Variants in LARGE1 observed in about 807,000 individuals in gnomAD.
LARGE1 encodes the protein LARGE xylosyl- and glucuronyltransferase 1.
In LARGE1, 43 loss-of-function variants were observed where a neutral mutation model predicts 87.6. The ratio of observed to expected loss-of-function variants is 0.49; its 90% CI spans 0.38 to 0.63. The LOEUF (loss-of-function observed/expected upper bound fraction) is 0.63, where lower values mean the gene tolerates loss of function less well. LARGE1 is among the 30% of genes least tolerant of loss of function. The pLI is 0.00. For synonymous variants in LARGE1, 434 were observed against 394.6 expected (o/e 1.10, Z -1.18); for missense variants, 802 against 1,000.2 (o/e 0.80, Z 2.67).
At chr22:33,846,021 G>A (rs2063419913) in intron 1 of LARGE1, among the ~76,000 whole-genome samples, 1 of 152,202 alleles carries the variant, frequency 6.6e-6, no homozygotes, top group Non-Finnish European at 1.5e-5. Flanking sequence ...GAACAGAGCT[G>A]TTTTTCTACA....
intron 5 of LARGE1, among the ~76,000 whole-genome samples, chr22:33,596,305 T>C (rs1306713781): frequency 6.6e-6 from 1 of 152,190 alleles, no homozygotes; most frequent in Non-Finnish European, 1.5e-5. Flanking sequence ...CAAACATCAG[T>C]CTTATAAATA....
intron 1 of LARGE1, among the ~76,000 whole-genome samples, chr22:33,849,321 C>T (rs976121157): frequency 1.3e-5 from 2 of 152,148 alleles, no homozygotes; most frequent in Non-Finnish European, 2.9e-5. Context: ...GTTTTTTCAT[C>T]AATCAATCCC....
At chr22:33,674,831 G>A (rs1415633493) in intron 2 of LARGE1, among the ~76,000 whole-genome samples, 1 of 152,130 alleles carries the variant, frequency 6.6e-6, no homozygotes, top group Non-Finnish European at 1.5e-5. Flanking sequence ...CAATTGCAGT[G>A]ATATCACAAT....
intron 4 of LARGE1, among the ~76,000 whole-genome samples, chr22:33,615,239 A>T (rs144649107): frequency 1.3e-5 from 2 of 152,132 alleles, no homozygotes; most frequent in African/African-American, 4.8e-5. Flanking sequence ...ATACTCAGTG[A>T]TTGTTTAAGG....
At chr22:33,880,279 G>A (rs982362976) in intron 1 of LARGE1, among the ~76,000 whole-genome samples, 1 of 152,176 alleles carries the variant, frequency 6.6e-6, no homozygotes, top group African/African-American at 2.4e-5. Context: ...AGTCAGATCA[G>A]ACGAAAGAAA....
chr22:33,858,005 C>CT (rs1203722013), intron 1 of LARGE1, among the ~76,000 whole-genome samples: 1 of 152,166 alleles, frequency 6.6e-6, no homozygotes, highest in African/African-American at 2.4e-5. Context: ...CTCGTGTTCT[C>CT]TGACCTGGGG....
At position 33,535,549 on chromosome 22, in the gene LARGE1, G is replaced by GA. The variant is rs376380069; in HGVS notation, c.787+29298dup. Among the ~76,000 whole-genome samples, 180 of 124,546 alleles carry GA rather than the reference G, an allele frequency of 1.4e-3. 1 individual carries two copies. The highest frequency in any genetic ancestry group is 4.9e-3 in the South Asian group (19 of 3,896). 81.7% of individuals were successfully genotyped at this position (124,546 alleles called of 152,430 possible). A position where few individuals can be genotyped will look rare whatever the true frequency, so the allele number is the denominator to read the frequency against. ...TGAGAGTAAAACTCCAAAAACAAAA[G>GA]AAAAAAAAAAAGAAAAAAAATGCAG... On this transcript the variant is annotated intron_variant, in intron 6 of 14. Coordinates refer to ENST00000397394, the MANE Select transcript of LARGE1 (RefSeq NM_133642.5).
intron 6 of LARGE1, among the ~76,000 whole-genome samples, chr22:33,454,939 C>T (rs1265604506): frequency 2.6e-5 from 4 of 152,208 alleles, no homozygotes; most frequent in African/African-American, 4.8e-5. Flanking sequence ...ACCTCCAACA[C>T]TGGGGATTAC....
intron 10 of LARGE1, among the ~76,000 whole-genome samples, chr22:33,321,822 A>G (rs1936743309): frequency 6.6e-6 from 1 of 152,076 alleles, no homozygotes; most frequent in Non-Finnish European, 1.5e-5. Context: ...TTACTGACTG[A>G]CTGGTTGATT....
chr22:33,085,764 C>T, the LARGE1 span, among the ~76,000 whole-genome samples: 1 of 152,150 alleles, frequency 6.6e-6, no homozygotes, highest in African/African-American at 2.4e-5. Flanking sequence ...TGCTGAGTCA[C>T]AAATAAACCT....
chr22:33,791,346 T>C (rs1020845576), intron 1 of LARGE1, among the ~76,000 whole-genome samples: 1 of 152,204 alleles, frequency 6.6e-6, no homozygotes, highest in African/African-American at 2.4e-5. Flanking sequence ...TGGGGCCGTA[T>C]ACCCTAGGAG....
At chr22:33,577,954 C>T (rs1000161519) in intron 5 of LARGE1, among the ~76,000 whole-genome samples, 2 of 152,248 alleles carry the variant, frequency 1.3e-5, no homozygotes, top group Non-Finnish European at 2.9e-5. Context: ...TGAATCTCTT[C>T]ACTGGTCACC....
chr22:33,260,118 C>G (rs918027772), intron 11 of LARGE1, among the ~76,000 whole-genome samples: 7 of 152,126 alleles, frequency 4.6e-5, no homozygotes, highest in Non-Finnish European at 1.0e-4. Context: ...CAATCCTAAG[C>G]CTGTTTATCC....
intron 7 of LARGE1, among the ~76,000 whole-genome samples, chr22:33,419,066 G>A (rs1490332986): frequency 2.6e-5 from 4 of 152,140 alleles, no homozygotes; most frequent in East Asian, 1.9e-4. Flanking sequence ...TCGCAGTTCC[G>A]CATGGCTGGG....
intron 1 of LARGE1, among the ~76,000 whole-genome samples, chr22:33,874,916 G>A (rs907233758): frequency 6.6e-6 from 1 of 152,176 alleles, no homozygotes; most frequent in Non-Finnish European, 1.5e-5. Context: ...CTAAAAGGTA[G>A]GGACTGTTGT....
intron 1 of LARGE1, among the ~76,000 whole-genome samples, chr22:33,900,627 AG>A (rs1361665080): frequency 2.0e-5 from 3 of 152,228 alleles, no homozygotes; most frequent in Non-Finnish European, 4.4e-5. Flanking sequence ...AAAAGACATG[AG>A]GAAGTCCTAA....
chr22:33,426,603 C>T lies in LARGE1; in HGVS notation c.892+5558G>A, dbSNP rs2066888121. On this transcript the variant is annotated intron_variant, in intron 7 of 14. Coordinates refer to ENST00000397394, the MANE Select transcript of LARGE1 (RefSeq NM_133642.5). Reference sequence around the variant, plus strand: ...TTTGGCAAACTATCAAATGTTTTCTCCTTTTGAATCTCTGCCACAGAATTT... The same window carrying T: ...TTTGGCAAACTATCAAATGTTTTCTTCTTTTGAATCTCTGCCACAGAATTT... Among the ~76,000 whole-genome samples, 3 of 152,320 alleles carry T rather than the reference C, an allele frequency of 2.0e-5. No individual in the cohort carries two copies. In the South Asian group the frequency reaches 6.2e-4, roughly 32 times the overall value.
chr22:33,325,014 C>G (rs562605523), intron 10 of LARGE1, among the ~76,000 whole-genome samples: 1 of 152,310 alleles, frequency 6.6e-6, no homozygotes, highest in African/African-American at 2.4e-5. Context: ...AAGAAGACAT[C>G]CATCATCTGA....
chr22:33,911,842 T>G lies in LARGE1; in HGVS notation c.-83+8153A>C, dbSNP rs534923644. On this transcript the variant is annotated intron_variant, in intron 1 of 14. Coordinates refer to ENST00000397394, the MANE Select transcript of LARGE1 (RefSeq NM_133642.5). The stretch of plus-strand genomic sequence containing the variant: ...CTGATCTGAAATATCCTTCACATTT[T>G]TAAAACAAAAGCTGCTAGGAGACGC... Among the ~76,000 whole-genome samples, 22 of 152,346 alleles carry G rather than the reference T, an allele frequency of 1.4e-4. No individual in the cohort carries two copies. The East Asian group carries it at 3.9e-3, about 27-fold the overall frequency.
Sources: gnomAD v4.1 joint callset for allele counts (sites outside exome capture counted in the v4.1 genomes callset) on GRCh38, gnomAD v4.1.1 for gene constraint, MANE v1.5 for transcripts, NCBI Gene and HGNC (gene_info 2026-07-23, HGNC 2026-07-21) for gene names.